The following ZNF461 variants were observed in gnomAD, a reference collection of about 807,000 sequenced individuals.
The protein encoded by ZNF461 is gonadotropin-inducible ovarian transcription factor-1.
A neutral mutation model predicts 18.3 loss-of-function variants in ZNF461; 16 were observed. The observed-to-expected ratio is 0.88, with a 90% CI of 0.59 to 1.33. ZNF461 has a LOEUF of 1.33. ZNF461 is among the 40% of genes most tolerant of loss of function. The pLI is 0.00. For missense variants in ZNF461, 595 were observed against 669.9 expected, an observed-to-expected ratio of 0.89 and a Z score of 1.23; for synonymous variants, 179 against 216.9, an observed-to-expected ratio of 0.83 and a Z score of 1.54.
At position 36,638,026 on chromosome 19, in the gene ZNF461, C is replaced by A; in HGVS notation, c.*627G>T. ...TTAATCCCACTGTTGGGAATCTGCA[C>A]AATAGAAACAAAAGAAGGTAAAATT... On this transcript the variant is annotated 3_prime_UTR_variant, in exon 6 of 6. Coordinates refer to ENST00000588268, the MANE Select transcript of ZNF461 (RefSeq NM_153257.5). 4.7e-6 allele frequency: 1 copy of A among 213,944 alleles called. No homozygotes were observed. The highest frequency in any genetic ancestry group is 9.5e-6 in the Non-Finnish European group (1 of 104,820). The allele number at this position is 213,944 out of a possible 1,614,324, so 13.3% of individuals were successfully genotyped here. A position where few individuals can be genotyped will look rare whatever the true frequency, so the allele number is the denominator to read the frequency against.
At chr19:36,665,433 G>A (rs549603257) in intron 1 of ZNF461, among the ~76,000 whole-genome samples, 2 of 152,290 alleles carry the variant, frequency 1.3e-5, no homozygotes, top group East Asian at 1.9e-4. Context: ...TGCAGAGGCC[G>A]GGCGCGGTGG....
intron 2 of ZNF461, among the ~76,000 whole-genome samples, chr19:36,663,169 A>G (rs1365737211): frequency 6.6e-6 from 1 of 152,088 alleles, no homozygotes; most frequent in Non-Finnish European, 1.5e-5. Context: ...AATCTTACTT[A>G]GTCTGTTTTC....
At chr19:36,644,302 T>A (rs1205463319) in intron 4 of ZNF461, among the ~76,000 whole-genome samples, 1 of 151,632 alleles carries the variant, frequency 6.6e-6, no homozygotes, top group Non-Finnish European at 1.5e-5. Flanking sequence ...GGAGTCTCGC[T>A]CTGTCCCCCG....
At position 36,638,805 on chromosome 19, in the gene ZNF461, G is replaced by A; in HGVS notation, c.1540C>T (p.His514Tyr). 6.2e-7 allele frequency: 1 copy of A among 1,614,164 alleles called. No homozygotes were observed. The highest frequency in any genetic ancestry group is 8.5e-7 in the Non-Finnish European group (1 of 1,180,018). The change falls in exon 6 of 6, where the codon CAC (histidine) becomes TAC (tyrosine). Residue 514 changes from histidine to tyrosine, a missense_variant. Coordinates refer to ENST00000588268, the MANE Select transcript of ZNF461 (RefSeq NM_153257.5). ...KAFSYHSSFS[H>Y]HQRIHSGKKP... ...TTTCCAGAATGAATTCTCTGATGGT[G>A]TGAGAAGCTTGAATGATAGCTAAAG...
At chr19:36,660,148 C>CTT (rs35264079) in intron 2 of ZNF461, among the ~76,000 whole-genome samples, 2,413 of 118,440 alleles carry the variant, frequency 0.02, 123 homozygotes, top group African/African-American at 0.065. Context: ...TCTCTAAAAT[C>CTT]TTTTTTTTTT....
At chr19:36,646,276 G>A (rs1392820239) in intron 4 of ZNF461, among the ~76,000 whole-genome samples, 4 of 152,154 alleles carry the variant, frequency 2.6e-5, no homozygotes, top group African/African-American at 7.2e-5. Flanking sequence ...GATTACAGGC[G>A]TGTGCCACCA....
intron 4 of ZNF461, among the ~76,000 whole-genome samples, chr19:36,647,948 G>A (rs896460654): frequency 6.6e-6 from 1 of 152,112 alleles, no homozygotes; most frequent in Non-Finnish European, 1.5e-5. Flanking sequence ...CTGGGAGGCC[G>A]AGGTGGACAG....
intron 2 of ZNF461, among the ~76,000 whole-genome samples, chr19:36,659,449 A>AT (rs1271456146): frequency 3.9e-5 from 6 of 152,192 alleles, no homozygotes; most frequent in Non-Finnish European, 8.8e-5. Flanking sequence ...GTAGCATAAC[A>AT]TTTTTAAGAG....
At chr19:36,645,213 G>A (rs942057778) in intron 4 of ZNF461, 1 of 152,164 alleles carries the variant, frequency 6.6e-6, no homozygotes, top group African/African-American at 2.4e-5. Context: ...GGGTAACAGA[G>A]TGAGACCCTG....
At position 36,636,618 on chromosome 19, in the gene ZNF461, T is replaced by G. The variant is rs376109614; in HGVS notation, c.*2035A>C. Among the ~76,000 whole-genome samples the G allele has an allele frequency of 1.3e-5, 2 of 152,094 alleles. No individual in the cohort carries two copies. Among genetic ancestry groups the G allele is most frequent in the East Asian group, 3.9e-4 (2 of 5,162 alleles). ...CGACAAAGGAATGAGAAGAGACAGG[T>G]TAAGAGTTCATAAAGGTGGGAGCCA... is the stretch of plus-strand genomic sequence containing the variant. On this transcript the variant is annotated 3_prime_UTR_variant, in exon 6 of 6. Transcript: ENST00000588268.
chr19:36,666,066 G>A (rs2037920517), intron 1 of ZNF461, among the ~76,000 whole-genome samples: 1 of 151,816 alleles, frequency 6.6e-6, no homozygotes. Flanking sequence ...CTGATCGTGT[G>A]AGCCTGAGGA....
chr19:36,656,417 C>T (rs1412662434), intron 4 of ZNF461, 31 bp downstream of exon 4: 1 of 1,582,660 alleles, frequency 6.3e-7, no homozygotes, highest in Non-Finnish European at 8.7e-7. Context: ...GGCCTGCTCT[C>T]TGCAAGAGCT....
chr19:36,661,183 C>T (rs2037812919), intron 2 of ZNF461, among the ~76,000 whole-genome samples: 1 of 151,676 alleles, frequency 6.6e-6, no homozygotes, highest in African/African-American at 2.4e-5. Flanking sequence ...AAGGCTGAGG[C>T]AGGAGGATCA....
At chr19:36,646,275 C>T (rs565260468) in intron 4 of ZNF461, among the ~76,000 whole-genome samples, 7 of 152,062 alleles carry the variant, frequency 4.6e-5, no homozygotes, top group Non-Finnish European at 7.4e-5. Flanking sequence ...GGATTACAGG[C>T]GTGTGCCACC....
chr19:36,663,391 A>C (rs1185878680), intron 2 of ZNF461, among the ~76,000 whole-genome samples: 1 of 151,672 alleles, frequency 6.6e-6, no homozygotes, highest in Non-Finnish European at 1.5e-5. Context: ...TCAGTGAATC[A>C]CTCAGGTGTC....
rs1056419633 is a variant in ZNF461, at chr19:36,655,860, A to G, written c.232+588T>C. On this transcript the variant is annotated intron_variant, in intron 4 of 5. Coordinates refer to ENST00000588268, the MANE Select transcript of ZNF461 (RefSeq NM_153257.5). ...TTAATTTTTCTATATGGTGTAAGAC[A>G]AGGGTACAACTGTATTCCTTTGCCT... Among the ~76,000 whole-genome samples the G allele has an allele frequency of 1.2e-4, 19 of 152,330 alleles. 1 individual carries two copies. The highest frequency in any genetic ancestry group is 3.9e-4 in the Admixed American group (6 of 15,304).
chr19:36,641,517 G>T (rs1054301277), intron 5 of ZNF461, among the ~76,000 whole-genome samples: 1 of 150,046 alleles, frequency 6.7e-6, no homozygotes, highest in African/African-American at 2.4e-5. Context: ...GACTGTCTCA[G>T]AAACAAACAA....
intron 2 of ZNF461, among the ~76,000 whole-genome samples, chr19:36,664,386 G>C (rs1390589645): frequency 1.3e-5 from 2 of 152,126 alleles, no homozygotes; most frequent in African/African-American, 4.8e-5. Context: ...CCAGGAGTTT[G>C]AGACCAGCCT....
Position 36,637,290 on chromosome 19 carries a change from A to C in ZNF461, c.*1363T>G, listed in dbSNP as rs2037312159. 1 of 151,180 alleles carries C rather than the reference A, an allele frequency of 6.6e-6. No individual in the cohort carries two copies. The highest frequency in any genetic ancestry group is 2.1e-4 in the South Asian group (1 of 4,794). 9.4% of individuals were successfully genotyped at this position (151,180 alleles called of 1,614,324 possible). The stretch of plus-strand genomic sequence containing the variant: ...CAGCTTACTGCAAGATCCATCTCCC[A>C]GGTTCACGCCATTCTTCTGCCTCAG... On this transcript the variant is annotated 3_prime_UTR_variant, in exon 6 of 6. Transcript: ENST00000588268.
Sources: allele counts gnomAD v4.1 joint callset (sites outside exome capture counted in the v4.1 genomes callset), GRCh38; gene constraint gnomAD v4.1.1; transcripts MANE v1.5; gene names NCBI Gene and HGNC (gene_info 2026-07-23, HGNC 2026-07-21).